Variants in DHCR7 observed in about 807,000 individuals in gnomAD.
DHCR7 encodes the protein 7-dehydrocholesterol reductase, also known as 7-DHC reductase.
DHCR7 carries 40 observed loss-of-function variants against 43.3 expected under a neutral mutation model. The observed-to-expected ratio is 0.92, with a 90% confidence interval of 0.72 to 1.20. The LOEUF (loss-of-function observed/expected upper bound fraction) is 1.20, where lower values mean the gene tolerates loss of function less well. DHCR7 is among the 50% of genes most tolerant of loss of function. The probability of loss-of-function intolerance (pLI) is 0.00; values close to 1 mark genes in which losing one functional copy is unlikely to be tolerated. For synonymous variants in DHCR7, 298 were observed against 271.4 expected, an observed-to-expected ratio of 1.10 and a Z score of -0.96; for missense variants, 608 against 644.6, an observed-to-expected ratio of 0.94 and a Z score of 0.62.
chr11:71,438,304 C>T (rs897674818), intron 7 of DHCR7, among the ~76,000 whole-genome samples: 2 of 152,184 alleles, frequency 1.3e-5, no homozygotes, highest in Admixed American at 6.5e-5. Flanking sequence ...CTCACCCTCT[C>T]GGGTTCTCCT....
At chr11:71,448,187 A>T (rs1349317241) in intron 1 of DHCR7, 103 bp downstream of exon 1, 1 of 148,932 alleles carries the variant, frequency 6.7e-6, no homozygotes, top group Non-Finnish European at 1.5e-5. Flanking sequence ...CCTACCCCTG[A>T]CCCCACCCTC....
intron 6 of DHCR7, among the ~76,000 whole-genome samples, chr11:71,439,813 T>C (rs981261553): frequency 6.6e-6 from 1 of 152,220 alleles, no homozygotes; most frequent in African/African-American, 2.4e-5. Flanking sequence ...TACATGATTA[T>C]AAGGTAGCGA....
chr11:71,443,241 C>G (rs1239721184), intron 4 of DHCR7, among the ~76,000 whole-genome samples: 3 of 152,188 alleles, frequency 2.0e-5, no homozygotes, highest in African/African-American at 7.2e-5. Context: ...ATTTGTGATT[C>G]ACACTGCCCC....
intron 2 of DHCR7, among the ~76,000 whole-genome samples, chr11:71,445,566 C>G (rs1334488949): frequency 1.3e-5 from 2 of 152,226 alleles, no homozygotes; most frequent in African/African-American, 2.4e-5. Flanking sequence ...TGTCTCCCCT[C>G]ACTAGAATGT....
downstream of DHCR7, among the ~76,000 whole-genome samples, chr11:71,429,985 C>A (rs929827130): frequency 1.3e-5 from 2 of 152,212 alleles, no homozygotes; most frequent in South Asian, 4.1e-4. Flanking sequence ...AGCTCCCAGT[C>A]ACTGCGGTCT....
intron 2 of DHCR7, among the ~76,000 whole-genome samples, chr11:71,447,059 C>A (rs148641929): frequency 9.4e-4 from 143 of 152,300 alleles, no homozygotes; most frequent in Non-Finnish European, 4.9e-4. Flanking sequence ...CAGCTCAGTG[C>A]CCCCACTCCC....
chr11:71,444,539 C>T (rs1194896297), intron 3 of DHCR7, among the ~76,000 whole-genome samples: 3 of 152,174 alleles, frequency 2.0e-5, no homozygotes, highest in East Asian at 1.9e-4. Context: ...TCACCCTGCA[C>T]GAAGTCCCCA....
rs763591043 is a variant in DHCR7 at position 71,444,128 on chromosome 11, G to A, written c.186C>T (p.Asp62=). ...GGCCAGTCAGGGCGCAGCTGTACTG[G>A]TCACAAGCCATGATGAAGTAGTAGA... ...FIVYYFIMAC[D]QYSCALTGPV... Residue 62 remains aspartate, a synonymous_variant, in exon 4 of 9, where the codon GAC becomes GAT. Transcript: ENST00000355527. The A allele has an allele frequency of 1.9e-6, 3 of 1,611,318 alleles. No individual in the cohort carries two copies. The highest frequency in any genetic ancestry group is 2.5e-6 in the Non-Finnish European group (3 of 1,178,898).
At chr11:71,436,054 T>C in intron 8 of DHCR7, 1 of 600,324 alleles carries the variant, frequency 1.7e-6, no homozygotes, top group South Asian at 2.0e-5. Context: ...TGTCTGTGTG[T>C]GTATGTGTGT....
In DHCR7 at chr11:71,435,268, G is replaced by A; in HGVS notation, c.*107C>T. On this transcript the variant is annotated 3_prime_UTR_variant, in exon 9 of 9. Transcript: ENST00000355527. ...AGTGCTGGGCTCTCTCCAGTTTACA[G>A]ATGAGGAAACTGAGGCTCCTCGAGT... is the stretch of plus-strand genomic sequence containing the variant. 1.7e-6 allele frequency: 2 copies of A among 1,188,676 alleles called. No homozygotes were observed. Among genetic ancestry groups the A allele is most frequent in the Non-Finnish European group, 2.5e-6 (2 of 806,660 alleles). The allele number at this position is 1,188,676 out of a possible 1,614,324, so 73.6% of individuals were successfully genotyped here.
intron 2 of DHCR7, among the ~76,000 whole-genome samples, chr11:71,446,823 C>T (rs546798471): frequency 6.6e-6 from 1 of 152,360 alleles, no homozygotes; most frequent in Admixed American, 6.5e-5. Context: ...CTCTCTCCGG[C>T]CCCAAATACT....
At chr11:71,443,832 A>T (rs1165620573) in intron 4 of DHCR7, 161 bp downstream of exon 4, 27 of 611,862 alleles carry the variant, frequency 4.4e-5, no homozygotes, top group Non-Finnish European at 6.9e-5. Flanking sequence ...CTGAGGATGA[A>T]TCTGAACATG....
rs542781733 is a variant in DHCR7, at chr11:71,435,935, G to T, written c.964-96C>A. 45 of 1,003,814 alleles carry T rather than the reference G, an allele frequency of 4.5e-5. No homozygotes were observed. In the South Asian group the frequency reaches 5.6e-4, roughly 12 times the overall value. 62.2% of individuals were successfully genotyped at this position (1,003,814 alleles called of 1,614,324 possible). On this transcript the variant is annotated intron_variant, in intron 8 of 8. Coordinates refer to ENST00000355527, the MANE Select transcript of DHCR7 (RefSeq NM_001360.3). ...CCCAGCGGCCTGGGGTCAAACCCCA[G>T]CTCTGCCTCTGACACACGCCTTGCC...
At chr11:71,440,228 G>A (rs534961243) in intron 6 of DHCR7, among the ~76,000 whole-genome samples, 6 of 152,304 alleles carry the variant, frequency 3.9e-5, no homozygotes, top group Middle Eastern at 3.4e-3. Flanking sequence ...CAGGAGCTGC[G>A]GACATTGCTC....
intron 2 of DHCR7, 92 bp from the exon 3 acceptor site, chr11:71,445,050 G>A: frequency 9.1e-7 from 1 of 1,104,004 alleles, no homozygotes; most frequent in East Asian, 2.4e-5. Context: ...GGCCTGGCAG[G>A]GCTGGCCTCC....
At position 71,437,803 on chromosome 11, in the gene DHCR7, C is replaced by T. The variant is rs759043350; in HGVS notation, c.963+9G>A. On this transcript the variant is annotated intron_variant, in intron 8 of 8. Coordinates refer to ENST00000355527, the MANE Select transcript of DHCR7 (RefSeq NM_001360.3). The stretch of plus-strand genomic sequence containing the variant: ...TGCCCCGCTGGGCCAGCTCTGCCCA[C>T]CTCCTCACCTGCAGCGTGTAAAGAT... 7.4e-6 allele frequency: 12 copies of T among 1,613,628 alleles called. No homozygotes were observed. The East Asian group carries it at 2.5e-4, about 33-fold the overall frequency.
chr11:71,437,707 CAG>C (rs997277247), intron 8 of DHCR7, 103 bp downstream of exon 8: 709 of 1,507,020 alleles, frequency 4.7e-4, no homozygotes, highest in Middle Eastern at 8.7e-4. Context: ...TTCCTAGAAA[CAG>C]GGGGCAGCTT....
At position 71,435,414 on chromosome 11, in the gene DHCR7, G is replaced by A. The variant is rs200477386; in HGVS notation, c.1389C>T (p.Thr463=). 40 of 1,612,608 alleles carry A rather than the reference G, an allele frequency of 2.5e-5. 1 individual carries two copies. The South Asian group carries it at 2.6e-4, about 11-fold the overall frequency. Residue 463 remains threonine, a synonymous_variant, in exon 9 of 9, where the codon ACC becomes ACT. Coordinates refer to ENST00000355527, the MANE Select transcript of DHCR7 (RefSeq NM_001360.3). The stretch of plus-strand genomic sequence containing the variant: ...GCAGCAGGCGGTAAGGCACTGCGGC[G>A]GTGTAGCGCTCCCAGTCCCGGCCGT... ...SKYGRDWERY[T]AAVPYRLLPG...
chr11:71,443,569 G>A (rs17161531), intron 4 of DHCR7, among the ~76,000 whole-genome samples: 7,405 of 152,232 alleles, frequency 0.049, 609 homozygotes, highest in African/African-American at 0.17. Flanking sequence ...GGGAAACATG[G>A]CCCTCGCTTC....
Sources: gnomAD v4.1 joint callset for allele counts (sites outside exome capture counted in the v4.1 genomes callset) on GRCh38, gnomAD v4.1.1 for gene constraint, MANE v1.5 for transcripts, NCBI Gene and HGNC (gene_info 2026-07-23, HGNC 2026-07-21) for gene names.